RCC1: variants seen among roughly 807,000 people sequenced by gnomAD.
RCC1 encodes regulator of chromosome condensation.
In RCC1, 11 loss-of-function variants were observed where a neutral mutation model predicts 44.4. That is an observed-to-expected ratio of 0.25 (90% confidence interval 0.16 to 0.41). RCC1 has a LOEUF of 0.41. RCC1 is among the 10% of genes least tolerant of loss of function. The pLI is 1.00. For missense variants in RCC1, 386 were observed against 547.1 expected (o/e 0.71, Z 2.94); for synonymous variants, 213 against 216.5 (o/e 0.98, Z 0.14).
intron 4 of RCC1, among the ~76,000 whole-genome samples, chr1:28,524,979 G>A (rs1570194921): frequency 6.6e-6 from 1 of 152,178 alleles, no homozygotes; most frequent in African/African-American, 2.4e-5. Context: ...AGTTAAAGAA[G>A]GAAGGGCTTT....
rs1557864460 is a variant in RCC1 at position 28,508,116 on chromosome 1, C to CT, written c.-261-10dup. ...TTTTGCTGTACTAATAGATTAATAT[C>CT]TTGTTTTGCAGGATTTGTTAAGGAT... On this transcript the variant is annotated splice_polypyrimidine_tract_variant and intron_variant, in intron 1 of 12. Coordinates refer to ENST00000683442, the MANE Select transcript of RCC1 (RefSeq NM_001381865.2). The CT allele has an allele frequency of 2.3e-6, 1 of 443,032 alleles. No individual in the cohort carries two copies. 27.4% of individuals were successfully genotyped at this position (443,032 alleles called of 1,614,324 possible).
intron 3 of RCC1, among the ~76,000 whole-genome samples, chr1:28,515,551 T>C (rs576542842): frequency 1.3e-3 from 192 of 149,828 alleles, no homozygotes; most frequent in Middle Eastern, 0.011. Flanking sequence ...ACCCTGTCTC[T>C]ATTAAAAATA....
At chr1:28,528,906 A>C (rs189510687) in intron 4 of RCC1, among the ~76,000 whole-genome samples, 41 of 119,068 alleles carry the variant, frequency 3.4e-4, no homozygotes, top group Middle Eastern at 7.8e-3. Flanking sequence ...CCCAGGCTGG[A>C]GTGCTGAGTG....
rs1301354628 is a variant in RCC1, at chr1:28,532,362, T to C, written c.441+12T>C. The C allele has an allele frequency of 1.1e-5, 17 of 1,613,350 alleles. No individual in the cohort carries two copies. Among genetic ancestry groups the C allele is most frequent in the Middle Eastern group, 3.3e-4 (2 of 6,056 alleles). On this transcript the variant is annotated intron_variant, in intron 7 of 12. Coordinates refer to ENST00000683442, the MANE Select transcript of RCC1 (RefSeq NM_001381865.2). Reference sequence around the variant, plus strand: ...GGGGCTCCTTCCGGGTAAGGCTGGGTCTGAAAGTCTGCATGGTCCCTGAAA... The same window carrying C: ...GGGGCTCCTTCCGGGTAAGGCTGGGCCTGAAAGTCTGCATGGTCCCTGAAA...
chr1:28,509,716 G>A (rs1662354791), intron 3 of RCC1: 2 of 152,198 alleles, frequency 1.3e-5, no homozygotes, highest in Admixed American at 1.3e-4. Context: ...AAACTAGCAT[G>A]ATAGCTTCAG....
Position 28,533,845 on chromosome 1 carries a change from C to CTTTTTTTTTTTTTTTTTTTTTTTT in RCC1, c.442-1178_442-1155dup, listed in dbSNP as rs1168443435. ...ATATTTTTTTCTTTTCTTTTCTTTT[C>CTTTTTTTTTTTTTTTTTTTTTTTT]TTTTTTTTTTTTTTTTTTTTTTTTT... On this transcript the variant is annotated intron_variant, in intron 7 of 12. Coordinates refer to ENST00000683442, the MANE Select transcript of RCC1 (RefSeq NM_001381865.2). Among the ~76,000 whole-genome samples, 17 of 46,876 alleles carry CTTTTTTTTTTTTTTTTTTTTTTTT rather than the reference C, an allele frequency of 3.6e-4. 4 individuals are homozygous for CTTTTTTTTTTTTTTTTTTTTTTTT. The highest frequency in any genetic ancestry group is 5.2e-4 in the Non-Finnish European group (14 of 26,882). 30.8% of individuals were successfully genotyped at this position (46,876 alleles called of 152,430 possible).
At chr1:28,508,458 T>G (rs1007442119) in intron 2 of RCC1, 1 of 434,376 alleles carries the variant, frequency 2.3e-6, no homozygotes, top group Non-Finnish European at 4.7e-6. Flanking sequence ...TTTATCTACA[T>G]GTGTAGCCTG....
intron 4 of RCC1, among the ~76,000 whole-genome samples, chr1:28,517,533 TC>T (rs2124621059): frequency 6.6e-6 from 1 of 152,202 alleles, no homozygotes; most frequent in South Asian, 2.1e-4. Flanking sequence ...GAGATGTGCC[TC>T]CCTCAAACCT....
chr1:28,510,146 A>C (rs1662408706), intron 3 of RCC1: 1 of 152,344 alleles, frequency 6.6e-6, no homozygotes, highest in Non-Finnish European at 1.5e-5. Flanking sequence ...GACAGCCGTT[A>C]AGCCATTTGG....
chr1:28,528,840 C>CT (rs1663882881), intron 4 of RCC1, among the ~76,000 whole-genome samples: 2 of 97,598 alleles, frequency 2.0e-5, no homozygotes, highest in Non-Finnish European at 4.1e-5. Context: ...GGCTGTTTTT[C>CT]TTCCTTTTTT....
chr1:28,518,924 C>CCATA (rs1663098673), intron 4 of RCC1: 1 of 152,248 alleles, frequency 6.6e-6, no homozygotes, highest in African/African-American at 2.4e-5. Flanking sequence ...CATTAGCGAA[C>CCATA]TATGCCCTTG....
chr1:28,508,485 A>G (rs1035855930), intron 2 of RCC1: 6 of 458,836 alleles, frequency 1.3e-5, no homozygotes, highest in Non-Finnish European at 2.2e-5. Context: ...GAAAGATACT[A>G]GCCCTTGAAA....
chr1:28,524,423 G>A (rs1663508913), intron 4 of RCC1, among the ~76,000 whole-genome samples: 2 of 152,206 alleles, frequency 1.3e-5, no homozygotes, highest in African/African-American at 2.4e-5. Flanking sequence ...GCCAAGTGCT[G>A]TGGCACGTGC....
intron 4 of RCC1, chr1:28,526,732 C>A: frequency 1.9e-6 from 1 of 524,250 alleles, no homozygotes; most frequent in Admixed American, 3.4e-5. Flanking sequence ...CCCATCTCTA[C>A]TAAAAATACA....
chr1:28,535,235 A>G, intron 8 of RCC1, 23 bp from the exon 9 acceptor site: 1 of 1,614,220 alleles, frequency 6.2e-7, no homozygotes, highest in South Asian at 1.1e-5. Flanking sequence ...TGTGGCCTGC[A>G]TCCCTTACCT....
chr1:28,530,022 G>A, intron 5 of RCC1, 83 bp downstream of exon 5: 1 of 1,102,868 alleles, frequency 9.1e-7, no homozygotes, highest in Non-Finnish European at 1.3e-6. Flanking sequence ...TTCTTCCTGA[G>A]GCTTGAAGCT....
intron 4 of RCC1, among the ~76,000 whole-genome samples, chr1:28,521,126 T>C (rs573242863): frequency 6.6e-6 from 1 of 152,014 alleles, no homozygotes; most frequent in East Asian, 1.9e-4. Flanking sequence ...CCCAGAGCAG[T>C]GAGAGAAGTC....
At chr1:28,517,279 T>G (rs1455168187) in intron 4 of RCC1, among the ~76,000 whole-genome samples, 1 of 152,032 alleles carries the variant, frequency 6.6e-6, no homozygotes, top group East Asian at 1.9e-4. Flanking sequence ...TGAAGAACTG[T>G]TTGTATCCAT....
rs1557879700 is a variant in RCC1 at position 28,533,825 on chromosome 1, TTTTTC to T, written c.442-1205_442-1201del. 8.1e-4 allele frequency among the ~76,000 whole-genome samples: 105 copies of T among 129,408 alleles called. 4 individuals carry two copies. The highest frequency in any genetic ancestry group is 1.6e-3 in the African/African-American group (56 of 34,600). 84.9% of individuals were successfully genotyped at this position (129,408 alleles called of 152,430 possible). A position where few individuals can be genotyped will look rare whatever the true frequency, so the allele number is the denominator to read the frequency against. On this transcript the variant is annotated intron_variant, in intron 7 of 12. Coordinates refer to ENST00000683442, the MANE Select transcript of RCC1 (RefSeq NM_001381865.2). ...GTAATCAGAATATCAGAATTATATT[TTTTTC>T]TTTTCTTTTCTTTTCTTTTTTTTTT... is the stretch of plus-strand genomic sequence containing the variant.
Sources: gnomAD v4.1 joint callset for allele counts (sites outside exome capture counted in the v4.1 genomes callset) on GRCh38, gnomAD v4.1.1 for gene constraint, MANE v1.5 for transcripts, NCBI Gene and HGNC (gene_info 2026-07-23, HGNC 2026-07-21) for gene names.